PTPRT: variants seen among roughly 807,000 people sequenced by gnomAD.
The protein encoded by PTPRT is receptor-type tyrosine-protein phosphatase T.
Under a neutral mutation model 176.8 loss-of-function variants are expected in PTPRT, and 56 were observed. That is an observed-to-expected ratio of 0.32 (90% CI 0.26 to 0.40). The LOEUF (loss-of-function observed/expected upper bound fraction) is 0.40. Among genes scored for constraint, PTPRT ranks in the 10% least tolerant of loss-of-function variants. The pLI, the probability that PTPRT is intolerant of heterozygous loss-of-function variation, is 1.00. For missense variants in PTPRT, 1,540 were observed against 1,908.2 expected, an observed-to-expected ratio of 0.81 and a Z score of 3.60; for synonymous variants, 783 against 739.0, an observed-to-expected ratio of 1.06 and a Z score of -0.96.
At chr20:43,054,566 G>A (rs1434978058) in intron 1 of PTPRT, among the ~76,000 whole-genome samples, 1 of 144,090 alleles carries the variant, frequency 6.9e-6, no homozygotes, top group African/African-American at 2.6e-5. Flanking sequence ...AAAAAAGAAG[G>A]GGAAAAAAAA....
intron 2 of PTPRT, among the ~76,000 whole-genome samples, chr20:42,816,003 T>C (rs1428282247): frequency 6.6e-6 from 1 of 152,152 alleles, no homozygotes; most frequent in African/African-American, 2.4e-5. Context: ...TATGAACATC[T>C]ACAAAAATGA....
chr20:42,549,411 A>C (rs1192441841), intron 7 of PTPRT, among the ~76,000 whole-genome samples: 3 of 152,136 alleles, frequency 2.0e-5, no homozygotes, highest in South Asian at 2.1e-4. Context: ...AGCAGTGTAA[A>C]TTAAATGTAT....
chr20:42,613,121 C>A (rs1252735604), intron 7 of PTPRT, among the ~76,000 whole-genome samples: 1 of 152,132 alleles, frequency 6.6e-6, no homozygotes, highest in Non-Finnish European at 1.5e-5. Flanking sequence ...TGTTTCTGCT[C>A]AACAGTCTAT....
chr20:42,804,636 G>A (rs1236735564), intron 2 of PTPRT, among the ~76,000 whole-genome samples: 2 of 152,258 alleles, frequency 1.3e-5, no homozygotes, highest in Non-Finnish European at 2.9e-5. Flanking sequence ...TCGTCTCACA[G>A]TCCTGGAGGC....
chr20:42,713,351 G>T (rs183642300), intron 6 of PTPRT, among the ~76,000 whole-genome samples: 2 of 151,968 alleles, frequency 1.3e-5, no homozygotes, highest in Non-Finnish European at 2.9e-5. Context: ...TGCCAGCCAG[G>T]GGTTGAATAA....
At chr20:42,604,221 C>G (rs748173195) in intron 7 of PTPRT, among the ~76,000 whole-genome samples, 14 of 152,148 alleles carry the variant, frequency 9.2e-5, no homozygotes, top group Non-Finnish European at 4.4e-5. Context: ...TTTGTCCCCC[C>G]GCTCTGCATT....
intron 16 of PTPRT, among the ~76,000 whole-genome samples, chr20:42,189,111 T>C (rs1383044692): frequency 6.6e-6 from 1 of 151,678 alleles, no homozygotes; most frequent in Non-Finnish European, 1.5e-5. Context: ...AGGCTCCAGC[T>C]ACCATTCCAG....
intron 7 of PTPRT, among the ~76,000 whole-genome samples, chr20:42,478,432 G>A (rs1322944848): frequency 2.0e-5 from 3 of 152,066 alleles, no homozygotes; most frequent in Admixed American, 2.0e-4. Context: ...AAAGCACCAT[G>A]TCCATCCTGA....
intron 1 of PTPRT, among the ~76,000 whole-genome samples, chr20:43,073,146 C>A: frequency 6.6e-6 from 1 of 152,058 alleles, no homozygotes; most frequent in East Asian, 1.9e-4. Flanking sequence ...GGACCACACG[C>A]TCATGAAGGA....
chr20:43,108,626 G>C (rs866728234), intron 1 of PTPRT, among the ~76,000 whole-genome samples: 6 of 152,060 alleles, frequency 3.9e-5, no homozygotes, highest in Non-Finnish European at 8.8e-5. Flanking sequence ...TTCTGAATCA[G>C]AGTTGCCCTT....
intron 6 of PTPRT, among the ~76,000 whole-genome samples, chr20:42,692,674 TAAAAG>T (rs2075810211): frequency 6.6e-6 from 1 of 152,170 alleles, no homozygotes; most frequent in African/African-American, 2.4e-5. Context: ...GAAAAAGAAA[TAAAAG>T]AAATAAATGT....
chr20:42,956,480 T>G (rs905470731), intron 1 of PTPRT, among the ~76,000 whole-genome samples: 3 of 152,080 alleles, frequency 2.0e-5, no homozygotes, highest in Non-Finnish European at 4.4e-5. Context: ...CCCCTTTGCC[T>G]TCTGCCTTGA....
chr20:42,165,643 G>A (rs1427018361), intron 16 of PTPRT, among the ~76,000 whole-genome samples: 1 of 152,212 alleles, frequency 6.6e-6, no homozygotes, highest in Non-Finnish European at 1.5e-5. Context: ...ATCACATGTG[G>A]CTACTGAGCG....
chr20:42,457,825 T>A (rs2145880351), intron 8 of PTPRT, among the ~76,000 whole-genome samples: 1 of 152,272 alleles, frequency 6.6e-6, no homozygotes. Context: ...TAATTGTTTC[T>A]TTACAATGAG....
chr20:42,634,051 ATT>A (rs1491129014), intron 7 of PTPRT, among the ~76,000 whole-genome samples: 4 of 31,690 alleles, frequency 1.3e-4, no homozygotes, highest in East Asian at 1.9e-3. Context: ...TTATATATAT[ATT>A]ATAAATATAT....
chr20:42,454,909 G>A (rs74167777), intron 8 of PTPRT, among the ~76,000 whole-genome samples: 18,485 of 152,140 alleles, frequency 0.12, 1,342 homozygotes, highest in Non-Finnish European at 0.17. Context: ...TGTTCTCCAC[G>A]TAGAAGAAGC....
At chr20:42,209,730 T>C (rs7344902) in intron 15 of PTPRT, among the ~76,000 whole-genome samples, 81,904 of 151,908 alleles carry the variant, frequency 0.54, 22,275 homozygotes, top group African/African-American at 0.56. Context: ...AAGGAGGAAC[T>C]GGTACCATTC....
intron 9 of PTPRT, among the ~76,000 whole-genome samples, chr20:42,384,974 A>G (rs935967383): frequency 2.0e-5 from 3 of 152,190 alleles, no homozygotes; most frequent in Non-Finnish European, 4.4e-5. Context: ...TTCCTTATAT[A>G]ATTTGGATGT....
the PTPRT span, among the ~76,000 whole-genome samples, chr20:42,063,146 T>A: frequency 1.3e-5 from 2 of 152,226 alleles, no homozygotes; most frequent in African/African-American, 4.8e-5. Flanking sequence ...TTGGCCAACA[T>A]CTTCCTTTTT....
Sources: gnomAD v4.1 joint callset for allele counts (sites outside exome capture counted in the v4.1 genomes callset) on GRCh38, gnomAD v4.1.1 for gene constraint, MANE v1.5 for transcripts, NCBI Gene and HGNC (gene_info 2026-07-23, HGNC 2026-07-21) for gene names.